The following COX7B2 variants were observed in gnomAD, a reference collection of about 807,000 sequenced individuals.
COX7B2 encodes the protein cytochrome c oxidase subunit 7B2, mitochondrial.
For missense variants in COX7B2, 109 were observed against 95.9 expected (o/e 1.14, Z -0.57); for synonymous variants, 37 against 32.1 (o/e 1.15, Z -0.51).
chr4:46,744,106 T>C (rs894018801), intron 2 of COX7B2, among the ~76,000 whole-genome samples: 5 of 152,112 alleles, frequency 3.3e-5, no homozygotes, highest in African/African-American at 7.2e-5. Flanking sequence ...AATGGTCCCA[T>C]AGTTTTTTTT....
At chr4:46,851,420 G>A (rs1716677498) in intron 1 of COX7B2, among the ~76,000 whole-genome samples, 1 of 152,030 alleles carries the variant, frequency 6.6e-6, no homozygotes. Flanking sequence ...TTATTTTGAA[G>A]TAATTTAGAC....
intron 2 of COX7B2, among the ~76,000 whole-genome samples, chr4:46,798,996 G>A (rs1025353041): frequency 8.6e-5 from 13 of 151,982 alleles, no homozygotes; most frequent in African/African-American, 1.5e-4. Flanking sequence ...GATATATCTG[G>A]CTCCCCATTT....
chr4:46,883,713 T>C (rs935393409), intron 1 of COX7B2, among the ~76,000 whole-genome samples: 1 of 152,038 alleles, frequency 6.6e-6, no homozygotes, highest in Admixed American at 6.6e-5. Flanking sequence ...TGAGCCAAGA[T>C]TGTGTTACTG....
chr4:46,841,297 C>T, intron 2 of COX7B2, among the ~76,000 whole-genome samples: 1 of 150,560 alleles, frequency 6.6e-6, no homozygotes, highest in Non-Finnish European at 1.5e-5. Flanking sequence ...GTTCCACAGA[C>T]AGTAAACAAG....
intron 2 of COX7B2, among the ~76,000 whole-genome samples, chr4:46,743,254 G>T (rs984954110): frequency 1.3e-5 from 2 of 152,136 alleles, no homozygotes; most frequent in Non-Finnish European, 2.9e-5. Flanking sequence ...ACCAGCTAAG[G>T]TCCCAAAATG....
intron 1 of COX7B2, among the ~76,000 whole-genome samples, chr4:46,869,950 C>T (rs1370067735): frequency 6.6e-6 from 1 of 152,082 alleles, no homozygotes; most frequent in African/African-American, 2.4e-5. Context: ...TTTTCATGAA[C>T]CATATACTGA....
intron 1 of COX7B2, among the ~76,000 whole-genome samples, chr4:46,872,734 G>A (rs889224463): frequency 1.3e-5 from 2 of 152,118 alleles, no homozygotes; most frequent in African/African-American, 2.4e-5. Flanking sequence ...GGTGTGTGAC[G>A]TGGACAAATT....
intron 2 of COX7B2, among the ~76,000 whole-genome samples, chr4:46,816,703 T>C (rs1464504621): frequency 1.3e-5 from 2 of 152,198 alleles, no homozygotes; most frequent in Non-Finnish European, 2.9e-5. Context: ...CTGCAAATAA[T>C]AAAGGAATTA....
At chr4:46,788,407 C>T (rs187634813) in intron 2 of COX7B2, among the ~76,000 whole-genome samples, 1 of 152,146 alleles carries the variant, frequency 6.6e-6, no homozygotes, top group Admixed American at 6.5e-5. Context: ...CTTGAAAAGC[C>T]TTATCTTGTT....
intron 2 of COX7B2, among the ~76,000 whole-genome samples, chr4:46,842,782 T>C (rs1716021582): frequency 6.6e-6 from 1 of 152,148 alleles, no homozygotes; most frequent in Admixed American, 6.5e-5. Context: ...GTGCCACATT[T>C]TCTTAATCCA....
At chr4:46,844,406 C>T (rs1716130201) in intron 2 of COX7B2, among the ~76,000 whole-genome samples, 1 of 151,906 alleles carries the variant, frequency 6.6e-6, no homozygotes, top group Admixed American at 6.6e-5. Context: ...ACACACCATA[C>T]TGACCAAGTC....
chr4:46,775,448 C>T (rs1408671835), intron 2 of COX7B2, among the ~76,000 whole-genome samples: 1 of 152,050 alleles, frequency 6.6e-6, no homozygotes, highest in Non-Finnish European at 1.5e-5. Flanking sequence ...TTACATTTTC[C>T]TGAAGTATAT....
intron 2 of COX7B2, among the ~76,000 whole-genome samples, chr4:46,795,447 T>G (rs1323712482): frequency 5.1e-5 from 6 of 116,910 alleles, no homozygotes; most frequent in Non-Finnish European, 8.4e-5. Context: ...CACCATTTAT[T>G]AAATAGGGAA....
intron 2 of COX7B2, among the ~76,000 whole-genome samples, chr4:46,769,623 G>A (rs1716754399): frequency 6.6e-6 from 1 of 152,106 alleles, no homozygotes; most frequent in Non-Finnish European, 1.5e-5. Context: ...AAGACTGGCA[G>A]GAGAATCACC....
intron 1 of COX7B2, among the ~76,000 whole-genome samples, chr4:46,869,669 T>A (rs1717868857): frequency 6.6e-6 from 1 of 152,192 alleles, no homozygotes; most frequent in South Asian, 2.1e-4. Flanking sequence ...GTTGAAGATT[T>A]TTTTTTCTTT....
At chr4:46,800,135 C>T (rs759566984) in intron 2 of COX7B2, among the ~76,000 whole-genome samples, 12 of 152,002 alleles carry the variant, frequency 7.9e-5, no homozygotes, top group Non-Finnish European at 1.2e-4. Flanking sequence ...ATAACACAAA[C>T]AGATGGTGTT....
intron 2 of COX7B2, among the ~76,000 whole-genome samples, chr4:46,823,557 GA>G (rs1390125222): frequency 6.7e-6 from 1 of 149,274 alleles, no homozygotes; most frequent in Non-Finnish European, 1.5e-5. Context: ...ATTATAAAAT[GA>G]AAAATTTTAA....
At chr4:46,861,235 C>T (rs1270603370) in intron 1 of COX7B2, among the ~76,000 whole-genome samples, 1 of 152,104 alleles carries the variant, frequency 6.6e-6, no homozygotes, top group Non-Finnish European at 1.5e-5. Flanking sequence ...ATTCTGTTTG[C>T]TGGTGAATGC....
intron 1 of COX7B2, among the ~76,000 whole-genome samples, chr4:46,847,572 A>AT (rs1381827736): frequency 6.6e-6 from 1 of 152,190 alleles, no homozygotes; most frequent in Non-Finnish European, 1.5e-5. Context: ...AAACTATGAG[A>AT]TTAAAAAAAA....
Sources: allele counts gnomAD v4.1 joint callset (sites outside exome capture counted in the v4.1 genomes callset), GRCh38; gene constraint gnomAD v4.1.1; transcripts MANE v1.5; gene names NCBI Gene and HGNC (gene_info 2026-07-23, HGNC 2026-07-21).